Variants in SNX30 observed in about 807,000 individuals in gnomAD.
SNX30 encodes the protein sorting nexin family member 30.
Under a neutral mutation model 46.4 loss-of-function variants are expected in SNX30, and 24 were observed. The observed-to-expected ratio is 0.52, with a 90% confidence interval of 0.37 to 0.73. The LOEUF is 0.73. SNX30 is among the 30% of genes least tolerant of loss of function. The pLI is 0.00. For synonymous variants in SNX30, 189 were observed against 211.5 expected (o/e 0.89, Z 0.92); for missense variants, 533 against 555.7 (o/e 0.96, Z 0.41).
intron 6 of SNX30, among the ~76,000 whole-genome samples, chr9:112,841,103 G>C (rs1840850051): frequency 6.6e-6 from 1 of 152,204 alleles, no homozygotes; most frequent in Non-Finnish European, 1.5e-5. Flanking sequence ...AATTCCTGGA[G>C]TGTCCGTGGA....
rs555992431 is a variant in SNX30, at chr9:112,788,206, G to T, written c.157-16570G>T. ...CACTTGAGTGTTTTTTTTTGTCCTT[G>T]AGAAGGTTTGGGCTGGGGTGATGAT... On this transcript the variant is annotated intron_variant, in intron 1 of 8. Transcript: ENST00000374232. Among the ~76,000 whole-genome samples, 7 of 151,874 alleles carry T rather than the reference G, an allele frequency of 4.6e-5. No homozygotes were observed. In the South Asian group the frequency reaches 1.5e-3, roughly 32 times the overall value.
chr9:112,877,806 A>T (rs1247379931), downstream of SNX30: 1 of 152,058 alleles, frequency 6.6e-6, no homozygotes, highest in Non-Finnish European at 1.5e-5. Context: ...TGCAGCCTTG[A>T]ACTCGGGCTC....
chr9:112,763,398 G>A (rs947282460), intron 1 of SNX30, among the ~76,000 whole-genome samples: 1 of 112,052 alleles, frequency 8.9e-6, no homozygotes, highest in Non-Finnish European at 1.7e-5. Flanking sequence ...TGGTGTGTGT[G>A]TGTGTAGAGA....
intron 1 of SNX30, among the ~76,000 whole-genome samples, chr9:112,771,248 T>A (rs147480989): frequency 1.3e-3 from 198 of 152,314 alleles, no homozygotes; most frequent in African/African-American, 4.4e-3. Context: ...ATTTGGTGAC[T>A]CAATAAATGG....
intron 3 of SNX30, among the ~76,000 whole-genome samples, 185 bp downstream of exon 3, chr9:112,818,000 A>C (rs1447320684): frequency 2.0e-5 from 3 of 152,176 alleles, no homozygotes; most frequent in African/African-American, 7.2e-5. Flanking sequence ...GGTATATAGA[A>C]AGCCAGTTTT....
intron 3 of SNX30, among the ~76,000 whole-genome samples, chr9:112,828,601 A>C (rs547753756): frequency 6.6e-6 from 1 of 152,334 alleles, no homozygotes; most frequent in Admixed American, 6.5e-5. Flanking sequence ...GAGGATTGTT[A>C]ATTCCTTCAT....
At chr9:112,794,564 C>A (rs1354047765) in intron 1 of SNX30, among the ~76,000 whole-genome samples, 3 of 152,146 alleles carry the variant, frequency 2.0e-5, no homozygotes, top group Non-Finnish European at 4.4e-5. Flanking sequence ...CGTAAAGATG[C>A]CTTGAGAGGC....
At chr9:112,772,285 T>G (rs1360129593) in intron 1 of SNX30, among the ~76,000 whole-genome samples, 1 of 152,142 alleles carries the variant, frequency 6.6e-6, no homozygotes, top group Non-Finnish European at 1.5e-5. Flanking sequence ...GGTGGCTCTG[T>G]TGGGGATTAG....
chr9:112,865,661 A>ATATATGTGTGTGTG lies in SNX30; in HGVS notation c.1254+1263_1254+1264insATATGTGTGTGTGT. Reference sequence around the variant, plus strand: ...TATATATATATATATATATATATATATGTATGTATGTATGCACACACACAC... The same window carrying ATATATGTGTGTGTG: ...TATATATATATATATATATATATATATATATGTGTGTGTGTGTATGTATGTATGCACACACACAC... On this transcript the variant is annotated intron_variant, in intron 8 of 8. Transcript: ENST00000374232. Among the ~76,000 whole-genome samples the ATATATGTGTGTGTG allele has an allele frequency of 2.4e-3, 257 of 105,644 alleles. 8 individuals are homozygous for ATATATGTGTGTGTG. The highest frequency in any genetic ancestry group is 9.4e-3 in the African/African-American group (247 of 26,312). The allele number at this position is 105,644 out of a possible 152,430, so 69.3% of individuals were successfully genotyped here. A position where few individuals can be genotyped will look rare whatever the true frequency, so the allele number is the denominator to read the frequency against.
intron 6 of SNX30, among the ~76,000 whole-genome samples, chr9:112,843,455 C>A (rs535276795): frequency 1.3e-5 from 2 of 151,826 alleles, no homozygotes; most frequent in South Asian, 4.2e-4. Context: ...GCGCAAGGGT[C>A]GGAGGATGGA....
At chr9:112,762,206 T>C (rs1206983958) in intron 1 of SNX30, among the ~76,000 whole-genome samples, 1 of 151,788 alleles carries the variant, frequency 6.6e-6, no homozygotes, top group Non-Finnish European at 1.5e-5. Flanking sequence ...GATCAGGAAT[T>C]GTTGTTTGTG....
At chr9:112,809,341 A>G (rs1040299531) in intron 2 of SNX30, among the ~76,000 whole-genome samples, 13 of 152,070 alleles carry the variant, frequency 8.5e-5, no homozygotes, top group Non-Finnish European at 1.6e-4. Context: ...TGGTTTCCCA[A>G]AGTGCTGGGA....
At chr9:112,784,937 C>G (rs1223566669) in intron 1 of SNX30, among the ~76,000 whole-genome samples, 1 of 152,218 alleles carries the variant, frequency 6.6e-6, no homozygotes, top group Non-Finnish European at 1.5e-5. Context: ...TAGCACCTAG[C>G]AGTCCATGGG....
chr9:112,875,221 T>C (rs1841505734), downstream of SNX30: 1 of 152,172 alleles, frequency 6.6e-6, no homozygotes, highest in African/African-American at 2.4e-5. Context: ...TCTGCACCAA[T>C]CTGGGGAGAT....
downstream of SNX30, among the ~76,000 whole-genome samples, chr9:112,881,974 G>A (rs1465311623): frequency 2.6e-5 from 4 of 152,306 alleles, no homozygotes; most frequent in East Asian, 7.7e-4. Flanking sequence ...GGAGAAGAGT[G>A]GGAGGGGAGG....
intron 3 of SNX30, among the ~76,000 whole-genome samples, chr9:112,827,423 A>G (rs1030670014): frequency 6.6e-6 from 1 of 152,242 alleles, no homozygotes; most frequent in Non-Finnish European, 1.5e-5. Flanking sequence ...CCCAGGAAGC[A>G]TGGCATCAGA....
intron 1 of SNX30, among the ~76,000 whole-genome samples, chr9:112,765,335 C>T (rs1334119406): frequency 2.0e-5 from 3 of 152,196 alleles, no homozygotes; most frequent in Admixed American, 1.3e-4. Context: ...TTAAAGCATA[C>T]ATTTTAGTGG....
chr9:112,808,819 A>T (rs1175960635), intron 2 of SNX30, among the ~76,000 whole-genome samples: 1 of 152,210 alleles, frequency 6.6e-6, no homozygotes, highest in Non-Finnish European at 1.5e-5. Flanking sequence ...GCTATTGTTT[A>T]TAAGACTGCA....
chr9:112,840,757 G>A (rs1840842773), intron 6 of SNX30, among the ~76,000 whole-genome samples: 1 of 151,034 alleles, frequency 6.6e-6, no homozygotes, highest in African/African-American at 2.4e-5. Flanking sequence ...GGGATTACAG[G>A]TGTGAGCCAC....
Sources: gnomAD v4.1 joint callset for allele counts (sites outside exome capture counted in the v4.1 genomes callset) on GRCh38, gnomAD v4.1.1 for gene constraint, MANE v1.5 for transcripts, NCBI Gene and HGNC (gene_info 2026-07-23, HGNC 2026-07-21) for gene names.